Variants in PMS2 observed in about 807,000 individuals in gnomAD.
PMS2 encodes PMS1 homolog 2, mismatch repair system component, also known as mismatch repair endonuclease PMS2.
PMS2 carries 69 observed loss-of-function variants against 90.0 expected under a neutral mutation model. That is an observed-to-expected ratio of 0.77 (90% CI 0.63 to 0.94). PMS2 has a LOEUF of 0.94. Among genes scored for constraint, PMS2 ranks in the 40% least tolerant of loss-of-function variants. PMS2 has a pLI of 0.00. For synonymous variants in PMS2, 332 were observed against 375.1 expected, an observed-to-expected ratio of 0.89 and a Z score of 1.33; for missense variants, 966 against 1,040.2, an observed-to-expected ratio of 0.93 and a Z score of 0.98.
Position 6,008,907 on chromosome 7 carries a change from G to A in PMS2, c.23+90C>T, listed in dbSNP as rs1583434118. 3.3e-6 allele frequency: 5 copies of A among 1,499,608 alleles called. No homozygotes were observed. The Admixed American group carries it at 8.4e-5, about 25-fold the overall frequency. The allele number at this position is 1,499,608 out of a possible 1,614,324, so 92.9% of individuals were successfully genotyped here. On this transcript the variant is annotated intron_variant, in intron 1 of 14. Transcript: ENST00000265849. ...CTGCCTCGCCACGCGCCTCGGCCATGTTCCCCCCATTTCCAGGGAGGTTGG... is the reference window on the plus strand; with the variant it reads ...CTGCCTCGCCACGCGCCTCGGCCATATTCCCCCCATTTCCAGGGAGGTTGG...
At chr7:5,982,488 G>A (rs1473452025) in intron 12 of PMS2, among the ~76,000 whole-genome samples, 4 of 151,992 alleles carry the variant, frequency 2.6e-5, no homozygotes, top group Non-Finnish European at 5.9e-5. Flanking sequence ...ATAGGCGTGA[G>A]CCACCGTGCC....
rs555685630 is a variant in PMS2 at position 5,994,645 on chromosome 7, A to G, written c.903+889T>C. The stretch of plus-strand genomic sequence containing the variant: ...AAAAAAATTAACCAGGCGTGGTGGC[A>G]GGCACCTGTAGTCCCAGCTACTCGG... On this transcript the variant is annotated intron_variant, in intron 8 of 14. Coordinates refer to ENST00000265849, the MANE Select transcript of PMS2 (RefSeq NM_000535.7). Among the ~76,000 whole-genome samples, 283 of 150,536 alleles carry G rather than the reference A, an allele frequency of 1.9e-3. 3 individuals carry two copies. Among genetic ancestry groups the G allele is most frequent in the Non-Finnish European group, 3.0e-3 (204 of 67,510 alleles).
In PMS2 at chr7:6,009,043, G is replaced by T; in HGVS notation, c.-24C>A. The T allele has an allele frequency of 6.2e-7, 1 of 1,612,208 alleles. No homozygotes were observed. The highest frequency in any genetic ancestry group is 8.5e-7 in the Non-Finnish European group (1 of 1,179,658). On this transcript the variant is annotated 5_prime_UTR_variant, in exon 1 of 15. Transcript: ENST00000265849. The stretch of plus-strand genomic sequence containing the variant: ...ATGGATGCAACACCCGATCCGCCTC[G>T]GGGACTGGGAAAGTTCCCTCCAGGG...
intron 10 of PMS2, among the ~76,000 whole-genome samples, chr7:5,989,430 T>G (rs761085737): frequency 1.1e-4 from 16 of 151,384 alleles, no homozygotes; most frequent in Non-Finnish European, 2.2e-4. Flanking sequence ...CGAAACTCCA[T>G]CTCAAAAAAA....
At position 6,002,495 on chromosome 7, in the gene PMS2, T is replaced by C. The variant is rs1057520513; in HGVS notation, c.495A>G (p.Thr165=). ...TTVSVQQLFS[T]LPVRHKEFQR... is the part of the protein sequence containing the mutation. ...GAAATTCCTTATGGCGCACAGGTAG[T>C]GTGGAAAATAACTGCTGCACGCTGA... is the stretch of plus-strand genomic sequence containing the variant. The change falls in exon 5 of 15, where the codon ACA becomes ACG. Residue 165 remains threonine, a synonymous_variant. Transcript: ENST00000265849. The C allele has an allele frequency of 2.5e-6, 4 of 1,611,684 alleles. No homozygotes were observed. Among genetic ancestry groups the C allele is most frequent in the Non-Finnish European group, 3.4e-6 (4 of 1,179,662 alleles).
intron 11 of PMS2, among the ~76,000 whole-genome samples, chr7:5,984,785 CA>C (rs565437334): frequency 2.8e-5 from 4 of 145,034 alleles, no homozygotes; most frequent in South Asian, 4.3e-4. Context: ...ACTCTTGTCT[CA>C]AAAAAAAAAC....
chr7:6,006,081 T>C (rs1785731766), intron 1 of PMS2, 50 bp from the exon 2 acceptor site: 2 of 1,598,476 alleles, frequency 1.3e-6, no homozygotes, highest in East Asian at 2.2e-5. Flanking sequence ...CTATATATTT[T>C]CATCCTGATT....
At chr7:5,986,019 C>T (rs1782823249) in intron 11 of PMS2, among the ~76,000 whole-genome samples, 1 of 128,468 alleles carries the variant, frequency 7.8e-6, no homozygotes, top group African/African-American at 2.7e-5. Context: ...CCAGAAGCAT[C>T]CCAGATGCCA....
At chr7:5,995,468 GA>G in intron 8 of PMS2, 65 bp downstream of exon 8, 2 of 998,404 alleles carry the variant, frequency 2.0e-6, no homozygotes, top group East Asian at 2.4e-5. Flanking sequence ...CCTATTATCA[GA>G]AAAAAGTTAT....
intron 1 of PMS2, 102 bp from the exon 2 acceptor site, chr7:6,006,133 G>T: frequency 1.6e-6 from 2 of 1,257,790 alleles, no homozygotes; most frequent in Non-Finnish European, 2.3e-6. Context: ...TAATTTATGG[G>T]TCTAATCTAT....
chr7:6,000,945 C>T (rs375324575), intron 5 of PMS2, among the ~76,000 whole-genome samples: 1 of 152,054 alleles, frequency 6.6e-6, no homozygotes, highest in Non-Finnish European at 1.5e-5. Flanking sequence ...GAGCCGAGAT[C>T]GCACCACTGC....
intron 9 of PMS2, 151 bp downstream of exon 9, chr7:5,991,822 G>T (rs1405323559): frequency 6.7e-6 from 4 of 600,494 alleles, no homozygotes; most frequent in Non-Finnish European, 1.2e-5. Flanking sequence ...CTGGGTGACA[G>T]AGCAAGACCC....
chr7:5,994,681 C>A (rs1458341038), intron 8 of PMS2, among the ~76,000 whole-genome samples: 1 of 151,566 alleles, frequency 6.6e-6, no homozygotes. Flanking sequence ...GAGGCTGAGG[C>A]AGGAGAATGG....
rs1284362486 is a variant in PMS2, at chr7:5,987,564, C to T, written c.1201G>A (p.Asp401Asn). The change falls in exon 11 of 15, where the codon GAT becomes AAT. Residue 401 changes from aspartate (D) to asparagine (N), a missense_variant. Physicochemically the swap from Asp to Asn is conservative, Grantham distance 23. Transcript: ENST00000265849. ...DLEKPMVEKQ[D>N]QSPSLRTGEE... ...CCAGTCCTTAATGAAGGGGATTGAT[C>T]CTGCTTTTCTACCATGGGCTTTTCC... 2 of 1,613,358 alleles carry T rather than the reference C, an allele frequency of 1.2e-6. No individual in the cohort carries two copies. Among genetic ancestry groups the T allele is most frequent in the East Asian group, 4.5e-5 (2 of 44,870 alleles).
At chr7:6,005,532 T>A (rs1785635548) in intron 2 of PMS2, among the ~76,000 whole-genome samples, 1 of 152,164 alleles carries the variant, frequency 6.6e-6, no homozygotes, top group Admixed American at 6.5e-5. Context: ...AGACAAGGTC[T>A]CACCATGTTG....
chr7:5,986,691 CA>C lies in PMS2; in HGVS notation c.2006+67del, dbSNP rs1159879425. 7.0e-6 allele frequency: 9 copies of C among 1,284,602 alleles called. No homozygotes were observed. The East Asian group carries it at 2.1e-4, about 30-fold the overall frequency. 79.6% of individuals were successfully genotyped at this position (1,284,602 alleles called of 1,614,324 possible). A position where few individuals can be genotyped will look rare whatever the true frequency, so the allele number is the denominator to read the frequency against. The stretch of plus-strand genomic sequence containing the variant: ...TGCGCAACAGAGCAAGACTCTGTCT[CA>C]AAAAAATAAAAAATAAAAATAAAAA... On this transcript the variant is annotated intron_variant, in intron 11 of 14. Coordinates refer to ENST00000265849, the MANE Select transcript of PMS2 (RefSeq NM_000535.7).
rs193152953 is a variant in PMS2, at chr7:5,988,948, C to A, written c.1144+852G>T. Among the ~76,000 whole-genome samples the A allele has an allele frequency of 8.5e-5, 13 of 152,200 alleles. 1 individual carries two copies. Among genetic ancestry groups the A allele is most frequent in the Admixed American group, 7.9e-4 (12 of 15,286 alleles). ...TTGGCTCACTGCAAGCCCCTCCTCCCGGGTTCACGCCATTCTCCTGAGTCA... is the reference window on the plus strand; with the variant it reads ...TTGGCTCACTGCAAGCCCCTCCTCCAGGGTTCACGCCATTCTCCTGAGTCA... On this transcript the variant is annotated intron_variant, in intron 10 of 14. Coordinates refer to ENST00000265849, the MANE Select transcript of PMS2 (RefSeq NM_000535.7).
chr7:5,983,240 G>A (rs572137638), intron 11 of PMS2, among the ~76,000 whole-genome samples: 4 of 151,546 alleles, frequency 2.6e-5, no homozygotes, highest in East Asian at 1.9e-4. Context: ...AGCCTCCTGA[G>A]TAGCTGGGAT....
intron 8 of PMS2, among the ~76,000 whole-genome samples, chr7:5,994,532 G>A (rs1308367983): frequency 6.6e-6 from 1 of 152,032 alleles, no homozygotes; most frequent in Non-Finnish European, 1.5e-5. Flanking sequence ...CCAGCACTTT[G>A]GGAGGCCGAG....
Sources: gnomAD v4.1 joint callset for allele counts (sites outside exome capture counted in the v4.1 genomes callset) on GRCh38, gnomAD v4.1.1 for gene constraint, MANE v1.5 for transcripts, NCBI Gene and HGNC (gene_info 2026-07-23, HGNC 2026-07-21) for gene names.